CPA1: variants seen among roughly 807,000 people sequenced by gnomAD.
CPA1 encodes carboxypeptidase A1.
CPA1 carries 42 observed loss-of-function variants against 48.7 expected under a neutral mutation model. That is an observed-to-expected ratio of 0.86 (90% CI 0.67 to 1.11). The LOEUF is 1.11. Among genes scored for constraint, CPA1 ranks in the 50% most tolerant of loss-of-function variants. CPA1 has a pLI of 0.00. For synonymous variants in CPA1, 203 were observed against 217.9 expected (o/e 0.93, Z 0.60); for missense variants, 477 against 544.7 (o/e 0.88, Z 1.24).
Position 130,384,590 on chromosome 7 carries a change from G to A in CPA1, c.751G>A (p.Val251Met), listed in dbSNP as rs782158803. 3.8e-5 allele frequency: 61 copies of A among 1,614,084 alleles called. No individual in the cohort carries two copies. Among genetic ancestry groups the A allele is most frequent in the South Asian group, 1.3e-4 (12 of 91,090 alleles). Reference sequence around the variant, plus strand: ...CACAGCAGGCTCCCTCTGTATTGGCGTGGACCCCAACAGGAACTGGGACGC... The same window carrying A: ...CACAGCAGGCTCCCTCTGTATTGGCATGGACCCCAACAGGAACTGGGACGC... ...SHTAGSLCIG[V>M]DPNRNWDAGF... Residue 251 changes from valine to methionine, a missense_variant, in exon 7 of 10, where the codon GTG becomes ATG. Physicochemically the swap from Val to Met is conservative, Grantham distance 21. Transcript: ENST00000011292.
chr7:130,385,988 A>G, intron 9 of CPA1, 65 bp downstream of exon 9: 3 of 1,425,870 alleles, frequency 2.1e-6, no homozygotes, highest in Non-Finnish European at 2.9e-6. Context: ...TTCCTGACCG[A>G]GGGAGTATCC....
At chr7:130,382,285 G>A in intron 4 of CPA1, 76 bp downstream of exon 4, 8 of 1,143,428 alleles carry the variant, frequency 7.0e-6, no homozygotes, top group East Asian at 2.4e-5. Flanking sequence ...GGGCTCTCCC[G>A]GGGAAATCAT....
intron 5 of CPA1, 62 bp downstream of exon 5, chr7:130,383,554 G>A: frequency 6.7e-7 from 1 of 1,483,498 alleles, no homozygotes; most frequent in Non-Finnish European, 9.4e-7. Context: ...AAGGCCCACA[G>A]AAGCCCGGGC....
chr7:130,383,676 C>G lies in CPA1; in HGVS notation c.586-8C>G. 6.2e-7 allele frequency: 1 copy of G among 1,604,220 alleles called. No homozygotes were observed. Among genetic ancestry groups the G allele is most frequent in the Non-Finnish European group, 8.5e-7 (1 of 1,171,070 alleles). The stretch of plus-strand genomic sequence containing the variant: ...CTGCGCTGCCCCTCTGCTCCTCTAA[C>G]CCCCCAGATCACTCAAGACTACGGG... On this transcript the variant is annotated splice_polypyrimidine_tract_variant and splice_region_variant and intron_variant, in intron 5 of 9. Transcript: ENST00000011292.
rs1157411486 is a variant in CPA1 at position 130,387,768 on chromosome 7, G to C, written c.1073-56G>C. 2.0e-6 allele frequency: 3 copies of C among 1,526,522 alleles called. No homozygotes were observed. In the African/African-American group the frequency reaches 4.1e-5, roughly 21 times the overall value. 94.6% of individuals were successfully genotyped at this position (1,526,522 alleles called of 1,614,324 possible). ...CAGGGTTGGATCGTTAACCCAACCC[G>C]TGTAAATATTCCCAAAGTGATTGAC... On this transcript the variant is annotated intron_variant, in intron 9 of 9. Coordinates refer to ENST00000011292, the MANE Select transcript of CPA1 (RefSeq NM_001868.4). This position sits in a 1 kb window ranked among gnomAD's most constrained non-coding sequence, Gnocchi z 4.6.
At chr7:130,386,035 T>A in intron 9 of CPA1, 112 bp downstream of exon 9, 1 of 896,224 alleles carries the variant, frequency 1.1e-6, no homozygotes. Flanking sequence ...CCCAGATCTG[T>A]CAACTGCTGG....
At chr7:130,381,608 T>G (rs782627401) in intron 2 of CPA1, 22 bp from the exon 3 acceptor site, 2 of 1,593,504 alleles carry the variant, frequency 1.3e-6, no homozygotes, top group African/African-American at 2.7e-5. Context: ...GCTGTGACCG[T>G]GCCGGCTCTT....
rs534875581 is a variant in CPA1, at chr7:130,381,902, G to A, written c.381+39G>A. 1.9e-6 allele frequency: 3 copies of A among 1,576,502 alleles called. No individual in the cohort carries two copies. The South Asian group carries it at 3.4e-5, about 18-fold the overall frequency. ...TAGCGGCCGCTCCCTGCAGCCACCA[G>A]CTCTTCATCATGGCTGGTAGAACGC... On this transcript the variant is annotated intron_variant, in intron 3 of 9. Coordinates refer to ENST00000011292, the MANE Select transcript of CPA1 (RefSeq NM_001868.4).
Position 130,383,437 on chromosome 7 carries a change from G to A in CPA1, c.530G>A (p.Gly177Asp), listed in dbSNP as rs1796432216. The A allele has an allele frequency of 6.2e-7, 1 of 1,614,076 alleles. No individual in the cohort carries two copies. ...SKRPAIWIDT[G>D]IHSREWVTQA... ...CGTCCAGCCATCTGGATCGACACGG[G>A]CATCCATTCCCGGGAGTGGGTCACC... The change falls in exon 5 of 10, where the codon GGC (glycine) becomes GAC (aspartate). Residue 177 changes from glycine to aspartate, a missense_variant. Physicochemically the swap from Gly to Asp is moderately conservative, Grantham distance 94. Coordinates refer to ENST00000011292, the MANE Select transcript of CPA1 (RefSeq NM_001868.4).
chr7:130,383,310 A>G, intron 4 of CPA1, 81 bp from the exon 5 acceptor site: 1 of 1,068,718 alleles, frequency 9.4e-7, no homozygotes, highest in Non-Finnish European at 1.4e-6. Flanking sequence ...TCTCTGGCCC[A>G]GGTCGGGGTC....
intron 4 of CPA1, among the ~76,000 whole-genome samples, chr7:130,382,746 C>T (rs556851538): frequency 3.3e-4 from 49 of 150,010 alleles, no homozygotes; most frequent in African/African-American, 1.0e-3. Flanking sequence ...TGGGTTCAAG[C>T]GATTCCCCTG....
chr7:130,380,535 G>A lies in CPA1; in HGVS notation c.15G>A (p.Leu5=), dbSNP rs537519042. The A allele has an allele frequency of 8.4e-6, 11 of 1,316,562 alleles. No individual in the cohort carries two copies. In the African/African-American group the frequency reaches 1.4e-4, roughly 16 times the overall value. 81.6% of individuals were successfully genotyped at this position (1,316,562 alleles called of 1,614,324 possible). The change falls in exon 1 of 10, where the codon CTG becomes CTA. Residue 5 remains leucine (L), a synonymous_variant. Transcript: ENST00000011292. MRGL[L]VLSVLLGAVF... ...CCGGCAGCAGCATGCGGGGGTTGCT[G>A]GTGTTGAGTGTCCTGTTGGGGGCTG...
rs1796501551 is a variant in CPA1 at position 130,387,937 on chromosome 7, A to T, written c.1186A>T (p.Ile396Phe). 1 of 1,614,008 alleles carries T rather than the reference A, an allele frequency of 6.2e-7. No individual in the cohort carries two copies. Among genetic ancestry groups the T allele is most frequent in the Non-Finnish European group, 8.5e-7 (1 of 1,180,048 alleles). ...TGGCTTCCTGCTGCCAGCCTCCCAG[A>T]TCATCCCCACAGCCAAGGAGACGTG... ...RYGFLLPASQ[I>F]IPTAKETWLA... Residue 396 changes from isoleucine to phenylalanine, a missense_variant, in exon 10 of 10, where the codon ATC becomes TTC. Physicochemically the swap from Ile to Phe is conservative, Grantham distance 21. Coordinates refer to ENST00000011292, the MANE Select transcript of CPA1 (RefSeq NM_001868.4). The surrounding 1 kb of genome is among the most constrained non-coding windows in gnomAD (Gnocchi z 4.6).
At chr7:130,383,849 C>A in intron 6 of CPA1, 55 bp downstream of exon 6, 1 of 1,271,400 alleles carries the variant, frequency 7.9e-7, no homozygotes, top group Non-Finnish European at 1.2e-6. Flanking sequence ...GGCTTCTAAG[C>A]TGCACAAGTA....
At chr7:130,385,440 T>C (rs1430892790) in intron 8 of CPA1, 95 bp downstream of exon 8, 1 of 1,128,030 alleles carries the variant, frequency 8.9e-7, no homozygotes, top group East Asian at 2.4e-5. Context: ...CACAGACACC[T>C]CCAGAGTACC....
chr7:130,383,742 T>C lies in CPA1; in HGVS notation c.644T>C (p.Ile215Thr). The C allele has an allele frequency of 6.2e-7, 1 of 1,614,192 alleles. No individual in the cohort carries two copies. Among genetic ancestry groups the C allele is most frequent in the South Asian group, 1.1e-5 (1 of 91,088 alleles). The change falls in exon 6 of 10, where the codon ATC becomes ACC. Residue 215 changes from isoleucine to threonine, a missense_variant. Transcript: ENST00000011292. ...ACCGCCATTCTCGACACCTTGGACATCTTCCTGGAGATCGTCACCAACCCT... is the reference window on the plus strand; with the variant it reads ...ACCGCCATTCTCGACACCTTGGACACCTTCCTGGAGATCGTCACCAACCCT... Reference protein sequence around the residue: ...AFTAILDTLDIFLEIVTNPDG... With the variant: ...AFTAILDTLDTFLEIVTNPDG...
chr7:130,381,748 T>G lies in CPA1; in HGVS notation c.266T>G (p.Met89Arg). 6.2e-7 allele frequency: 1 copy of G among 1,614,132 alleles called. No homozygotes were observed. Among genetic ancestry groups the G allele is most frequent in the Non-Finnish European group, 8.5e-7 (1 of 1,180,018 alleles). ...LESHGISYETMIEDVQSLLDE... is the reference protein window; with the variant it reads ...LESHGISYETRIEDVQSLLDE... ...TCCCACGGCATCAGCTATGAGACCA[T>G]GATCGAGGACGTGCAGTCGCTGCTG... The change falls in exon 3 of 10, where the codon ATG (methionine) becomes AGG (arginine). Residue 89 changes from methionine to arginine, a missense_variant. Transcript: ENST00000011292.
chr7:130,381,969 C>T, intron 3 of CPA1, 106 bp downstream of exon 3: 12 of 1,225,930 alleles, frequency 9.8e-6, no homozygotes, highest in Non-Finnish European at 1.4e-5. Flanking sequence ...TGCGCAGCGC[C>T]TGCTCTGTTT....
chr7:130,384,268 A>C (rs904937517), intron 6 of CPA1: 6 of 539,558 alleles, frequency 1.1e-5, no homozygotes. Context: ...CTCTGGCCAA[A>C]TGCCATCCTA....
Sources: gnomAD v4.1 joint callset for allele counts (sites outside exome capture counted in the v4.1 genomes callset) on GRCh38, gnomAD v4.1.1 for gene constraint, Gnocchi (gnomAD v3.1) non-coding constraint, MANE v1.5 for transcripts, NCBI Gene and HGNC (gene_info 2026-07-23, HGNC 2026-07-21) for gene names.